PCDHA3: variants seen among roughly 807,000 people sequenced by gnomAD.
The protein encoded by PCDHA3 is protocadherin alpha-3.
In PCDHA3, 41 loss-of-function variants were observed where a neutral mutation model predicts 62.2. The ratio of observed to expected loss-of-function variants is 0.66; its 90% CI spans 0.51 to 0.86. PCDHA3 has a LOEUF of 0.86. Among genes scored for constraint, PCDHA3 ranks in the 40% least tolerant of loss-of-function variants. The pLI is 0.00. For missense variants in PCDHA3, 1,304 were observed against 1,241.2 expected, an observed-to-expected ratio of 1.05 and a Z score of -0.76; for synonymous variants, 640 against 555.4, an observed-to-expected ratio of 1.15 and a Z score of -2.14.
chr5:141,010,260 C>T lies in PCDHA3; in HGVS notation c.*323C>T, dbSNP rs906685521. The stretch of plus-strand genomic sequence containing the variant: ...GAGAGGTTGGACTCTCTGCCCTGTG[C>T]TCCGGGGATCCTGTCTTGATGACAC... On this transcript the variant is annotated 3_prime_UTR_variant, in exon 4 of 4. Transcript: ENST00000522353. 6.4e-7 allele frequency: 1 copy of T among 1,551,674 alleles called. No individual in the cohort carries two copies. The highest frequency in any genetic ancestry group is 1.4e-5 in the African/African-American group (1 of 73,028).
At chr5:140,853,868 T>C (rs2042891681) in intron 1 of PCDHA3, 1 of 983,114 alleles carries the variant, frequency 1.0e-6, no homozygotes, top group South Asian at 4.7e-5. Flanking sequence ...TACTTGACAG[T>C]GCAAGTTTCT....
intron 1 of PCDHA3, among the ~76,000 whole-genome samples, chr5:140,915,331 T>G (rs1485344164): frequency 6.6e-6 from 1 of 152,184 alleles, no homozygotes; most frequent in Non-Finnish European, 1.5e-5. Context: ...TGTTATAATA[T>G]TCTGTGTTTT....
intron 1 of PCDHA3, among the ~76,000 whole-genome samples, chr5:140,880,631 A>T (rs1048791670): frequency 6.6e-6 from 1 of 152,206 alleles, no homozygotes; most frequent in Non-Finnish European, 1.5e-5. Context: ...GTTAATTATC[A>T]ATTCACTTGA....
chr5:140,804,101 GTCTTTTA>G (rs1554123035), intron 1 of PCDHA3: 1 of 155,570 alleles, frequency 6.4e-6, no homozygotes, highest in Non-Finnish European at 1.4e-5. Flanking sequence ...TACACCTGTT[GTCTTTTA>G]TGGAACCTCT....
chr5:140,847,902 T>G (rs753467196), intron 1 of PCDHA3: 1 of 149,888 alleles, frequency 6.7e-6, no homozygotes, highest in South Asian at 2.1e-4. Context: ...ATCAGTAGAT[T>G]TCTGGGCTCC....
intron 1 of PCDHA3, chr5:140,834,386 G>A (rs1295160788): frequency 1.9e-6 from 3 of 1,582,980 alleles, no homozygotes; most frequent in Non-Finnish European, 2.6e-6. Context: ...AATTTGAAAT[G>A]GTGTGCCCGA....
chr5:140,894,892 G>T (rs941698896), intron 1 of PCDHA3, among the ~76,000 whole-genome samples: 8 of 152,060 alleles, frequency 5.3e-5, no homozygotes, highest in Non-Finnish European at 1.0e-4. Flanking sequence ...AACAGACCAG[G>T]ATAATTTTCC....
In PCDHA3 at chr5:140,836,623, G is replaced by C. The variant is rs2150266037; in HGVS notation, c.2394+33032G>C. 44 of 1,613,510 alleles carry C rather than the reference G, an allele frequency of 2.7e-5. 1 individual carries two copies. The highest frequency in any genetic ancestry group is 4.5e-5 in the East Asian group (2 of 44,856). On this transcript the variant is annotated intron_variant, in intron 1 of 3. Transcript: ENST00000522353. ...CTGGTGTGCTCCAGCGCGGTGGGGA[G>C]CTGGTCATTCTCCCAGCAGAGGCGG...
chr5:140,897,885 C>G (rs1554187646), intron 1 of PCDHA3, among the ~76,000 whole-genome samples: 1 of 152,182 alleles, frequency 6.6e-6, no homozygotes, highest in Non-Finnish European at 1.5e-5. Context: ...GCCATTCTAA[C>G]TGGTGTGAGA....
At chr5:140,807,077 C>T in intron 1 of PCDHA3, 1 of 1,247,972 alleles carries the variant, frequency 8.0e-7, no homozygotes, top group Non-Finnish European at 1.1e-6. Flanking sequence ...CATATACACT[C>T]TTTGGAGTCT....
chr5:140,838,638 C>T (rs1775813369), intron 1 of PCDHA3, among the ~76,000 whole-genome samples: 1 of 151,758 alleles, frequency 6.6e-6, no homozygotes, highest in Non-Finnish European at 1.5e-5. Flanking sequence ...TTTGGTTGGT[C>T]AAAAAAATGA....
rs149448038 is a variant in PCDHA3 at position 140,843,600 on chromosome 5, C to T, written c.2394+40009C>T. On this transcript the variant is annotated intron_variant, in intron 1 of 3. Coordinates refer to ENST00000522353, the MANE Select transcript of PCDHA3 (RefSeq NM_018906.3). Reference sequence around the variant, plus strand: ...CAACAACAGCCGCAGAGGGTGTGCTCTGGTGAGGGGCCACCGAAGACGGAC... The same window carrying T: ...CAACAACAGCCGCAGAGGGTGTGCTTTGGTGAGGGGCCACCGAAGACGGAC... The T allele has an allele frequency of 1.0e-4, 165 of 1,596,060 alleles. 9 individuals are homozygous for T. The African/African-American group carries it at 2.0e-3, about 20-fold the overall frequency.
chr5:140,919,847 G>A (rs1309572866), intron 1 of PCDHA3, among the ~76,000 whole-genome samples: 1 of 152,200 alleles, frequency 6.6e-6, no homozygotes, highest in East Asian at 1.9e-4. Flanking sequence ...TTTGGAACCT[G>A]TGACCTCATT....
intron 3 of PCDHA3, among the ~76,000 whole-genome samples, chr5:140,997,668 T>TTGTGTG (rs35184029): frequency 3.8e-4 from 56 of 148,342 alleles, no homozygotes; most frequent in African/African-American, 8.5e-4. Context: ...ATTATACAGC[T>TTGTGTG]TGTGTGTGTG....
At chr5:141,007,199 G>A (rs561958637) in intron 3 of PCDHA3, among the ~76,000 whole-genome samples, 3 of 152,036 alleles carry the variant, frequency 2.0e-5, no homozygotes, top group African/African-American at 7.2e-5. Flanking sequence ...TGATGGTGGG[G>A]GCCAGAATAT....
At chr5:140,947,436 G>C (rs269551) in intron 1 of PCDHA3, among the ~76,000 whole-genome samples, 37,364 of 151,424 alleles carry the variant, frequency 0.25, 5,790 homozygotes, top group African/African-American at 0.44. Flanking sequence ...TTGAAAATCA[G>C]CTGTGAAATC....
At chr5:140,877,192 G>A in intron 1 of PCDHA3, 2 of 1,613,846 alleles carry the variant, frequency 1.2e-6, no homozygotes, top group Non-Finnish European at 1.7e-6. Flanking sequence ...TGGCAGCGCA[G>A]GAGGCGCAGT....
At chr5:140,805,856 A>T (rs1172877583) in intron 1 of PCDHA3, among the ~76,000 whole-genome samples, 2 of 152,160 alleles carry the variant, frequency 1.3e-5, no homozygotes, top group Non-Finnish European at 2.9e-5. Context: ...GATCACCTTA[A>T]ATTAATGCAT....
chr5:140,927,870 G>A (rs1302526715), intron 1 of PCDHA3: 1 of 1,614,100 alleles, frequency 6.2e-7, no homozygotes. Context: ...CCGCTAAACT[G>A]CTGGTGGAGG....
Sources: allele counts gnomAD v4.1 joint callset (sites outside exome capture counted in the v4.1 genomes callset), GRCh38; gene constraint gnomAD v4.1.1; transcripts MANE v1.5; gene names NCBI Gene and HGNC (gene_info 2026-07-23, HGNC 2026-07-21).